MYH15: variants seen among roughly 807,000 people sequenced by gnomAD.
The protein encoded by MYH15 is myosin heavy chain 15.
In MYH15, 227 loss-of-function variants were observed where a neutral mutation model predicts 240.5. The ratio of observed to expected loss-of-function variants is 0.94; its 90% CI spans 0.85 to 1.05. MYH15 has a LOEUF of 1.05. Ranked by LOEUF, MYH15 falls within the 50% of genes least tolerant of loss-of-function variation. MYH15 has a pLI of 0.00. For synonymous variants in MYH15, 785 were observed against 796.7 expected (o/e 0.99, Z 0.25); for missense variants, 2,217 against 2,247.5 (o/e 0.99, Z 0.27).
At chr3:108,532,503 G>T (rs2083718542), upstream of MYH15, among the ~76,000 whole-genome samples, 1 of 152,140 alleles carries the variant, frequency 6.6e-6, no homozygotes, top group Non-Finnish European at 1.5e-5. Flanking sequence ...AGATCTACTG[G>T]TTCTCACACT....
At chr3:108,489,134 G>A (rs1050651020) in intron 9 of MYH15, among the ~76,000 whole-genome samples, 28 of 152,078 alleles carry the variant, frequency 1.8e-4, no homozygotes, top group African/African-American at 6.8e-4. Flanking sequence ...ATTGAGTTGA[G>A]TTCTTTATAT....
At chr3:108,413,913 G>T (rs536680816) in intron 30 of MYH15, among the ~76,000 whole-genome samples, 15 of 152,266 alleles carry the variant, frequency 9.9e-5, no homozygotes, top group African/African-American at 3.1e-4. Context: ...GGTTTTAAAC[G>T]ATAGCCTATT....
chr3:108,444,749 G>T lies in MYH15; in HGVS notation c.2546C>A (p.Ala849Glu), dbSNP rs763639811. 3 of 1,613,828 alleles carry T rather than the reference G, an allele frequency of 1.9e-6. No individual in the cohort carries two copies. The Admixed American group carries it at 5.0e-5, about 27-fold the overall frequency. Residue 849 changes from alanine (A) to glutamate (E), a missense_variant, in exon 22 of 41, where the codon GCA (alanine) becomes GAA (glutamate). By Grantham distance (107) the Ala-to-Glu change is moderately radical. Coordinates refer to ENST00000693548, the MANE Select transcript of MYH15 (RefSeq NM_014981.3). ...TTTCTCCAAGGCTTTCTGTAATTGT[G>T]CACACTCTTCCTTCAGTCCAGCTAC... ...EEVAGLKEECAQLQKALEKSE... is the reference protein window; with the variant it reads ...EEVAGLKEECEQLQKALEKSE...
chr3:108,463,739 A>C (rs1269760827), intron 15 of MYH15, among the ~76,000 whole-genome samples: 1 of 152,182 alleles, frequency 6.6e-6, no homozygotes, highest in Non-Finnish European at 1.5e-5. Context: ...CAGCCCAGAA[A>C]GATTCTCAAG....
intron 21 of MYH15, among the ~76,000 whole-genome samples, chr3:108,448,522 G>GA (rs1246088745): frequency 6.6e-6 from 1 of 151,972 alleles, no homozygotes; most frequent in Non-Finnish European, 1.5e-5. Context: ...ATTACCTAAT[G>GA]AAAAATGTGT....
intron 1 of MYH15, among the ~76,000 whole-genome samples, chr3:108,516,718 T>G (rs1030916205): frequency 2.1e-4 from 32 of 152,202 alleles, no homozygotes; most frequent in African/African-American, 7.5e-4. Context: ...TACCTGCAAT[T>G]TATTTATTTA....
intron 28 of MYH15, among the ~76,000 whole-genome samples, chr3:108,419,781 G>A (rs1423604816): frequency 6.6e-6 from 1 of 152,114 alleles, no homozygotes; most frequent in South Asian, 2.1e-4. Flanking sequence ...GGAAATAGAG[G>A]TGTCTACTGG....
intron 32 of MYH15, among the ~76,000 whole-genome samples, chr3:108,406,710 G>T (rs539627224): frequency 2.0e-4 from 31 of 152,188 alleles, no homozygotes; most frequent in Non-Finnish European, 4.1e-4. Context: ...AGTTGATGAA[G>T]TATTTATGGA....
At chr3:108,475,090 G>A (rs1157479020) in intron 12 of MYH15, among the ~76,000 whole-genome samples, 2 of 152,114 alleles carry the variant, frequency 1.3e-5, no homozygotes, top group Non-Finnish European at 2.9e-5. Flanking sequence ...AGACACATCA[G>A]TTACCTTAAT....
rs746794416 is a variant in MYH15 at position 108,428,658 on chromosome 3, G to A, written c.3536C>T (p.Thr1179Ile). 2.5e-6 allele frequency: 4 copies of A among 1,613,560 alleles called. No homozygotes were observed. In the Admixed American group the frequency reaches 6.7e-5, roughly 27 times the overall value. Residue 1179 changes from threonine to isoleucine, a missense_variant, in exon 27 of 41, where the codon ACA (threonine) becomes ATA (isoleucine). Physicochemically the swap from Thr to Ile is moderately conservative, Grantham distance 89. Transcript: ENST00000693548. ...TCTCTTCTTCAAAGATGCAGAAGTT[G>A]TCTCAAAGTGCAGAGTGGCCTCTTC... is the stretch of plus-strand genomic sequence containing the variant. The part of the protein sequence containing the change: ...DMEEATLHFE[T>I]TSASLKKRHA...
chr3:108,499,443 G>A lies in MYH15; in HGVS notation c.524+12C>T. 6.2e-7 allele frequency: 1 copy of A among 1,612,352 alleles called. No homozygotes were observed. On this transcript the variant is annotated intron_variant, in intron 5 of 40. Transcript: ENST00000693548. ...CTTCAGGCCAAAAAAGAAAAACAAGGCAAACACTTACGTGAAGAGTATAGA... is the reference window on the plus strand; with the variant it reads ...CTTCAGGCCAAAAAAGAAAAACAAGACAAACACTTACGTGAAGAGTATAGA...
intron 37 of MYH15, among the ~76,000 whole-genome samples, chr3:108,391,255 C>G (rs529976790): frequency 6.6e-6 from 1 of 152,246 alleles, no homozygotes; most frequent in African/African-American, 2.4e-5. Flanking sequence ...TTTCAAGATG[C>G]TATTACTCAT....
At chr3:108,408,936 T>C (rs2082566792) in intron 31 of MYH15, among the ~76,000 whole-genome samples, 1 of 152,142 alleles carries the variant, frequency 6.6e-6, no homozygotes, top group African/African-American at 2.4e-5. Flanking sequence ...AGCACTTGAG[T>C]GTTTTTTCCT....
intron 11 of MYH15, among the ~76,000 whole-genome samples, chr3:108,482,206 T>C (rs1004920808): frequency 2.0e-5 from 3 of 152,274 alleles, no homozygotes; most frequent in Middle Eastern, 3.4e-3. Context: ...GGTGGCATTT[T>C]TGAAGAAGAC....
chr3:108,411,085 G>C (rs1418713045), intron 30 of MYH15, among the ~76,000 whole-genome samples, 153 bp from the exon 31 acceptor site: 1 of 152,188 alleles, frequency 6.6e-6, no homozygotes, highest in African/African-American at 2.4e-5. Context: ...GCTCCTATCT[G>C]AAAGTGACCT....
intron 33 of MYH15, 112 bp from the exon 34 acceptor site, chr3:108,399,379 A>C (rs2082487587): frequency 1.1e-6 from 1 of 914,534 alleles, no homozygotes; most frequent in African/African-American, 1.7e-5. Context: ...ATCCAAGATA[A>C]ATTTTAAGTA....
At chr3:108,384,660 G>A (rs1560302042) in intron 39 of MYH15, 27 bp downstream of exon 39, 1 of 1,591,174 alleles carries the variant, frequency 6.3e-7, no homozygotes, top group South Asian at 1.1e-5. Flanking sequence ...GGAAATCCAT[G>A]AGGCTGAAAC....
chr3:108,496,372 A>G (rs1387116679), intron 6 of MYH15, among the ~76,000 whole-genome samples: 1 of 152,192 alleles, frequency 6.6e-6, no homozygotes, highest in Admixed American at 6.5e-5. Context: ...TTTTAATAGT[A>G]TTGATCTTGA....
chr3:108,486,465 A>G lies in MYH15; in HGVS notation c.933T>C (p.Thr311=). The G allele has an allele frequency of 6.2e-7, 1 of 1,612,492 alleles. No homozygotes were observed. Residue 311 remains threonine, a synonymous_variant, in exon 10 of 41, where the codon ACT becomes ACC. Transcript: ENST00000693548. The part of the protein sequence containing the change: ...DFHFCSCGAV[T]VESLDDAEEL... ...CTTCAGCATCATCCAAGCTCTCCAC[A>G]GTAACTGCTCCACAGGAGCAAAAGT...
Sources: allele counts gnomAD v4.1 joint callset (sites outside exome capture counted in the v4.1 genomes callset), GRCh38; gene constraint gnomAD v4.1.1; transcripts MANE v1.5; gene names NCBI Gene and HGNC (gene_info 2026-07-23, HGNC 2026-07-21).